TTI1: variants seen among roughly 807,000 people sequenced by gnomAD.
TTI1 encodes TELO2-interacting protein 1 homolog.
Under a neutral mutation model 85.4 loss-of-function variants are expected in TTI1, and 52 were observed. The ratio of observed to expected loss-of-function variants is 0.61; its 90% CI spans 0.49 to 0.77. The LOEUF (loss-of-function observed/expected upper bound fraction) is 0.77, where lower values mean the gene tolerates loss of function less well. TTI1 is among the 30% of genes least tolerant of loss of function. The probability of loss-of-function intolerance (pLI) is 0.00; values close to 1 mark genes in which losing one functional copy is unlikely to be tolerated. For synonymous variants in TTI1, 512 were observed against 503.9 expected, an observed-to-expected ratio of 1.02 and a Z score of -0.22; for missense variants, 1,173 against 1,296.0, an observed-to-expected ratio of 0.91 and a Z score of 1.46.
At chr20:38,022,355 C>T (rs1600652553) in intron 1 of TTI1, among the ~76,000 whole-genome samples, 1 of 152,310 alleles carries the variant, frequency 6.6e-6, no homozygotes, top group African/African-American at 2.4e-5. Context: ...AAATTTTCTT[C>T]CTTAGCACTT....
intron 1 of TTI1, among the ~76,000 whole-genome samples, chr20:38,014,667 A>G (rs2073655805): frequency 6.6e-6 from 1 of 152,226 alleles, no homozygotes; most frequent in African/African-American, 2.4e-5. Context: ...GACAGAGTCC[A>G]GCAGGATGGA....
chr20:38,025,492 C>T (rs529006968), intron 1 of TTI1, among the ~76,000 whole-genome samples: 2 of 151,812 alleles, frequency 1.3e-5, no homozygotes, highest in African/African-American at 2.4e-5. Context: ...TCACTTGAAC[C>T]CGGAAGGTGG....
intron 1 of TTI1, among the ~76,000 whole-genome samples, chr20:38,032,422 A>C (rs2073924326): frequency 6.6e-6 from 1 of 152,254 alleles, no homozygotes; most frequent in African/African-American, 2.4e-5. Context: ...CACAACTAGG[A>C]AGTTATACCA....
At chr20:38,029,616 A>G (rs1434295282) in intron 1 of TTI1, among the ~76,000 whole-genome samples, 1 of 151,962 alleles carries the variant, frequency 6.6e-6, no homozygotes, top group East Asian at 1.9e-4. Flanking sequence ...AGACACTGAT[A>G]CTGGAAATTT....
At position 37,996,866 on chromosome 20, in the gene TTI1, C is replaced by T; in HGVS notation, c.2881G>A (p.Val961Ile). 1 of 1,614,132 alleles carries T rather than the reference C, an allele frequency of 6.2e-7. No individual in the cohort carries two copies. Among genetic ancestry groups the T allele is most frequent in the Non-Finnish European group, 8.5e-7 (1 of 1,180,004 alleles). The stretch of plus-strand genomic sequence containing the variant: ...CTGGCACTGATGGGGGCCTGGGTGA[C>T]TAGGGAGCCAGCCAGCTTTGGCAGG... ...DVLPKLAGSLVTQAPISARAG... is the reference protein window; with the variant it reads ...DVLPKLAGSLITQAPISARAG... Residue 961 changes from valine to isoleucine, a missense_variant, in exon 6 of 8, where the codon GTC (valine) becomes ATC (isoleucine). Coordinates refer to ENST00000373447, the MANE Select transcript of TTI1 (RefSeq NM_001303457.2).
Position 38,012,408 on chromosome 20 carries a change from C to A in TTI1, c.1409G>T (p.Arg470Leu), listed in dbSNP as rs777730935. ...GAAGCGGAAATATCTCCTCTGGATG[C>A]GGTTCCAAGGCTGTGTGGCTGAGGT... Reference protein sequence around the residue: ...PKTSATQPWNRIQRRYFRFFT... With the variant: ...PKTSATQPWNLIQRRYFRFFT... Residue 470 changes from arginine (R) to leucine (L), a missense_variant, in exon 2 of 8, where the codon CGC becomes CTC. Arg to Leu is a moderately radical substitution (Grantham distance 102). Coordinates refer to ENST00000373447, the MANE Select transcript of TTI1 (RefSeq NM_001303457.2). The A allele has an allele frequency of 5.6e-6, 9 of 1,614,090 alleles. No homozygotes were observed. The highest frequency in any genetic ancestry group is 2.2e-5 in the South Asian group (2 of 91,088).
intron 7 of TTI1, among the ~76,000 whole-genome samples, chr20:37,995,335 G>A (rs189555585): frequency 4.4e-3 from 669 of 152,374 alleles, no homozygotes; most frequent in Middle Eastern, 0.024. Flanking sequence ...GGGAGTGCAA[G>A]GTTTCTAAGG....
At chr20:37,987,270 C>T (rs1424514370) in intron 7 of TTI1, 6 of 456,564 alleles carry the variant, frequency 1.3e-5, no homozygotes, top group Non-Finnish European at 2.2e-5. Context: ...AGCTGAAAGC[C>T]AAAGTTGTTG....
rs561342981 is a variant in TTI1, at chr20:37,984,310, A to T, written c.3087-671T>A. Among the ~76,000 whole-genome samples, 3 of 152,232 alleles carry T rather than the reference A, an allele frequency of 2.0e-5. No homozygotes were observed. The South Asian group carries it at 6.2e-4, about 32-fold the overall frequency. ...AGGACTGGCTGAGCTCTGCTCTGTA[A>T]CCTTTGGCAGAGATAGAGCACTGAT... is the stretch of plus-strand genomic sequence containing the variant. On this transcript the variant is annotated intron_variant, in intron 7 of 7. Coordinates refer to ENST00000373447, the MANE Select transcript of TTI1 (RefSeq NM_001303457.2).
chr20:37,990,010 T>C (rs1476754874), intron 7 of TTI1, among the ~76,000 whole-genome samples: 1 of 152,234 alleles, frequency 6.6e-6, no homozygotes, highest in African/African-American at 2.4e-5. Flanking sequence ...AAGCTTTCTT[T>C]CCTTTTCTTT....
intron 1 of TTI1, among the ~76,000 whole-genome samples, chr20:38,030,267 C>T (rs2073890045): frequency 6.6e-6 from 1 of 151,464 alleles, no homozygotes; most frequent in Non-Finnish European, 1.5e-5. Flanking sequence ...GGGAGGGAAG[C>T]AGGGAGTGGA....
intron 1 of TTI1, among the ~76,000 whole-genome samples, chr20:38,022,406 C>T (rs943888949): frequency 4.6e-5 from 7 of 152,178 alleles, no homozygotes; most frequent in Admixed American, 1.3e-4. Flanking sequence ...TGTTTGTTTA[C>T]TGTTTCTCTC....
At chr20:38,016,177 C>T (rs2073679098) in intron 1 of TTI1, among the ~76,000 whole-genome samples, 2 of 152,190 alleles carry the variant, frequency 1.3e-5, no homozygotes, top group Admixed American at 6.5e-5. Flanking sequence ...GTTCTTCTGT[C>T]AAGATGGAAG....
At chr20:38,020,593 T>C (rs1013040390) in intron 1 of TTI1, among the ~76,000 whole-genome samples, 2 of 151,804 alleles carry the variant, frequency 1.3e-5, no homozygotes, top group African/African-American at 4.8e-5. Flanking sequence ...AGATACTTGC[T>C]ATATATCTGA....
intron 1 of TTI1, among the ~76,000 whole-genome samples, chr20:38,020,180 A>G (rs1315561573): frequency 1.3e-5 from 2 of 151,660 alleles, no homozygotes; most frequent in African/African-American, 4.8e-5. Context: ...TGAACAGAAC[A>G]GAGTTCAGAA....
At chr20:38,030,585 C>T (rs2073894324) in intron 1 of TTI1, among the ~76,000 whole-genome samples, 1 of 148,782 alleles carries the variant, frequency 6.7e-6, no homozygotes, top group South Asian at 2.1e-4. Context: ...GGGTATATTT[C>T]AGAGATGCAA....
chr20:38,030,661 A>T (rs2073895135), intron 1 of TTI1, among the ~76,000 whole-genome samples: 1 of 152,186 alleles, frequency 6.6e-6, no homozygotes, highest in African/African-American at 2.4e-5. Flanking sequence ...CAAGCTTAAG[A>T]AGAAAAATCA....
At chr20:38,015,742 A>G (rs1412647006) in intron 1 of TTI1, among the ~76,000 whole-genome samples, 1 of 152,226 alleles carries the variant, frequency 6.6e-6, no homozygotes, top group Non-Finnish European at 1.5e-5. Flanking sequence ...TCCACTGATG[A>G]AATTTTTAAA....
At chr20:37,997,298 T>G (rs1242146559) in intron 5 of TTI1, among the ~76,000 whole-genome samples, 1 of 152,050 alleles carries the variant, frequency 6.6e-6, no homozygotes, top group Non-Finnish European at 1.5e-5. Flanking sequence ...CATAGATCAT[T>G]TCTTGAATCT....
Sources: allele counts gnomAD v4.1 joint callset (sites outside exome capture counted in the v4.1 genomes callset), GRCh38; gene constraint gnomAD v4.1.1; transcripts MANE v1.5; gene names NCBI Gene and HGNC (gene_info 2026-07-23, HGNC 2026-07-21).